Variants in DPYSL3 observed in about 807,000 individuals in gnomAD.
The protein encoded by DPYSL3 is dihydropyrimidinase-related protein 3.
In DPYSL3, 16 loss-of-function variants were observed where a neutral mutation model predicts 66.1. The observed-to-expected ratio is 0.24, with a 90% CI of 0.16 to 0.37. The LOEUF (loss-of-function observed/expected upper bound fraction) is 0.37. DPYSL3 is among the 10% of genes least tolerant of loss of function. The pLI, the probability that DPYSL3 is intolerant of heterozygous loss-of-function variation, is 1.00. For synonymous variants in DPYSL3, 338 were observed against 345.1 expected (o/e 0.98, Z 0.23); for missense variants, 738 against 916.2 (o/e 0.81, Z 2.51).
intron 1 of DPYSL3, among the ~76,000 whole-genome samples, chr5:147,428,047 A>G (rs1440736256): frequency 2.0e-5 from 3 of 152,224 alleles, no homozygotes; most frequent in African/African-American, 7.2e-5. Flanking sequence ...TGCTATATCC[A>G]GACCTGTGAA....
chr5:147,501,311 A>G (rs1044585970), intron 1 of DPYSL3, among the ~76,000 whole-genome samples: 1 of 152,098 alleles, frequency 6.6e-6, no homozygotes, highest in African/African-American at 2.4e-5. Flanking sequence ...TTGAGGGCAG[A>G]AGAGAATGAT....
At chr5:147,436,875 A>T (rs1210983781) in intron 1 of DPYSL3, among the ~76,000 whole-genome samples, 2 of 152,228 alleles carry the variant, frequency 1.3e-5, no homozygotes, top group African/African-American at 4.8e-5. Flanking sequence ...CAGAAAAAGG[A>T]CTAACAAAAT....
intron 13 of DPYSL3, among the ~76,000 whole-genome samples, chr5:147,394,806 C>CCTCT (rs1757922513): frequency 6.6e-6 from 1 of 152,156 alleles, no homozygotes; most frequent in Non-Finnish European, 1.5e-5. Flanking sequence ...GTCTCCCTTA[C>CCTCT]CTCTTTCTCC....
At position 147,509,804 on chromosome 5, in the gene DPYSL3, A is replaced by T; in HGVS notation, c.55T>A (p.Tyr19Asn). 6.5e-7 allele frequency: 1 copy of T among 1,535,878 alleles called. No homozygotes were observed. Among genetic ancestry groups the T allele is most frequent in the Non-Finnish European group, 8.7e-7 (1 of 1,146,726 alleles). Reference protein sequence around the residue: ...DSSHEDDLPVYLARPGTTDQV... With the variant: ...DSSHEDDLPVNLARPGTTDQV... Reference sequence around the variant, plus strand: ...TCCGTGGTGCCCGGCCTGGCCAGGTACACGGGCAGATCGTCTTCGTGGGAG... The same window carrying T: ...TCCGTGGTGCCCGGCCTGGCCAGGTTCACGGGCAGATCGTCTTCGTGGGAG... Residue 19 changes from tyrosine to asparagine, a missense_variant, in exon 1 of 14, where the codon TAC becomes AAC. Physicochemically the swap from Tyr to Asn is moderately radical, Grantham distance 143 (BLOSUM62 -2). Transcript: ENST00000343218. This position sits in a 1 kb window ranked among gnomAD's most constrained non-coding sequence, Gnocchi z 5.3.
chr5:147,454,449 C>T (rs1264483084), intron 1 of DPYSL3, among the ~76,000 whole-genome samples: 2 of 152,312 alleles, frequency 1.3e-5, no homozygotes, highest in Non-Finnish European at 2.9e-5. Flanking sequence ...TCAGAGGCTG[C>T]AAGGGGCACG....
intron 1 of DPYSL3, among the ~76,000 whole-genome samples, chr5:147,494,221 AGG>A (rs1275728170): frequency 6.6e-6 from 1 of 152,214 alleles, no homozygotes; most frequent in Admixed American, 6.5e-5. Context: ...CAGTGCTTAG[AGG>A]GAAATCTATT....
chr5:147,416,024 A>G (rs1751960260), intron 3 of DPYSL3, 151 bp from the exon 4 acceptor site: 2 of 864,524 alleles, frequency 2.3e-6, no homozygotes, highest in South Asian at 3.8e-5. Flanking sequence ...GATAGTTTCA[A>G]GAATGCTGAT....
At chr5:147,429,219 C>T (rs531897018) in intron 1 of DPYSL3, among the ~76,000 whole-genome samples, 5 of 152,246 alleles carry the variant, frequency 3.3e-5, no homozygotes, top group South Asian at 4.1e-4. Flanking sequence ...TGAAGCAACC[C>T]GCCACTGACC....
chr5:147,466,786 CT>C (rs1389607993), intron 1 of DPYSL3, among the ~76,000 whole-genome samples: 1 of 152,160 alleles, frequency 6.6e-6, no homozygotes, highest in Admixed American at 6.6e-5. Context: ...TTTTTCCCTC[CT>C]GTTTCCTGTA....
At position 147,393,752 on chromosome 5, in the gene DPYSL3, A is replaced by C; in HGVS notation, c.*283T>G. ...CAGCACTACACACGCTCTCAACACTATGATAGAGCAGACTCTTTTACCTTA... is the reference window on the plus strand; with the variant it reads ...CAGCACTACACACGCTCTCAACACTCTGATAGAGCAGACTCTTTTACCTTA... On this transcript the variant is annotated 3_prime_UTR_variant, in exon 14 of 14. Coordinates refer to ENST00000343218, the MANE Select transcript of DPYSL3 (RefSeq NM_001197294.2). The C allele has an allele frequency of 2.4e-6, 1 of 415,552 alleles. No homozygotes were observed. The highest frequency in any genetic ancestry group is 4.5e-6 in the Non-Finnish European group (1 of 223,558). 25.7% of individuals were successfully genotyped at this position (415,552 alleles called of 1,614,324 possible).
intron 1 of DPYSL3, chr5:147,453,528 A>G: frequency 1.3e-6 from 2 of 1,524,078 alleles, no homozygotes; most frequent in Non-Finnish European, 8.8e-7. Context: ...GGAGGGAGGG[A>G]GCAGCGGCGC....
In DPYSL3 at chr5:147,453,847, GTT is replaced by G. The variant is rs367709275; in HGVS notation, c.382-28886_382-28885del. On this transcript the variant is annotated intron_variant, in intron 1 of 13. Transcript: ENST00000343218. ...CCACCCGCGTTCACGCCCGGGTTTT[GTT>G]TTTTTTTTTCTTTTGCTGCGCCAGC... 8.5e-4 allele frequency: 624 copies of G among 733,798 alleles called. 7 individuals carry two copies. The East Asian group carries it at 0.019, about 23-fold the overall frequency. 45.5% of individuals were successfully genotyped at this position (733,798 alleles called of 1,614,324 possible). A position where few individuals can be genotyped will look rare whatever the true frequency, so the allele number is the denominator to read the frequency against.
intron 1 of DPYSL3, among the ~76,000 whole-genome samples, chr5:147,487,314 T>C (rs1753348081): frequency 6.6e-6 from 1 of 152,226 alleles, no homozygotes; most frequent in Non-Finnish European, 1.5e-5. Flanking sequence ...CTTCCTTCAA[T>C]GTCAGATATG....
intron 6 of DPYSL3, among the ~76,000 whole-genome samples, chr5:147,411,854 A>T (rs1194610274): frequency 6.6e-6 from 1 of 152,202 alleles, no homozygotes; most frequent in Non-Finnish European, 1.5e-5. Flanking sequence ...CTCAGGAAAT[A>T]CTCTTTGAAG....
intron 1 of DPYSL3, among the ~76,000 whole-genome samples, chr5:147,503,086 A>ATTTTTT (rs1407068455): frequency 6.6e-6 from 1 of 152,166 alleles, no homozygotes; most frequent in Non-Finnish European, 1.5e-5. Flanking sequence ...ATAAAAGGGC[A>ATTTTTT]TCTATCACTG....
chr5:147,410,507 T>A (rs901799486), intron 6 of DPYSL3, among the ~76,000 whole-genome samples: 14 of 152,118 alleles, frequency 9.2e-5, no homozygotes, highest in African/African-American at 2.9e-4. Flanking sequence ...GTGGCATTCA[T>A]CACAGCTACA....
chr5:147,453,432 T>TA, intron 1 of DPYSL3: 1 of 1,367,392 alleles, frequency 7.3e-7, no homozygotes, highest in Non-Finnish European at 9.5e-7. Context: ...ACCCCGGGTC[T>TA]CCGTCCCTCC....
intron 1 of DPYSL3, among the ~76,000 whole-genome samples, chr5:147,426,708 C>T (rs962828377): frequency 3.9e-5 from 6 of 152,140 alleles, no homozygotes; most frequent in African/African-American, 7.2e-5. Context: ...AGCCCCAAAA[C>T]CAGCTGACTT....
chr5:147,452,883 A>G (rs1423964818), intron 1 of DPYSL3, among the ~76,000 whole-genome samples: 3 of 3,558 alleles, frequency 8.4e-4, no homozygotes, highest in Admixed American at 6.1e-3. Context: ...CATCGAAGGC[A>G]CACACACACA....
Sources: allele counts gnomAD v4.1 joint callset (sites outside exome capture counted in the v4.1 genomes callset), GRCh38; gene constraint gnomAD v4.1.1; non-coding constraint Gnocchi (gnomAD v3.1); transcripts MANE v1.5; gene names NCBI Gene and HGNC (gene_info 2026-07-23, HGNC 2026-07-21).